The following LEKR1 variants were observed in gnomAD, a reference collection of about 807,000 sequenced individuals.
LEKR1 encodes the protein protein LEKR1.
Under a neutral mutation model 72.4 loss-of-function variants are expected in LEKR1, and 59 were observed. The ratio of observed to expected loss-of-function variants is 0.82; its 90% CI spans 0.66 to 1.01. LEKR1 has a LOEUF of 1.01. Among genes scored for constraint, LEKR1 ranks in the 50% least tolerant of loss-of-function variants. LEKR1 has a pLI of 0.00. For missense variants in LEKR1, 728 were observed against 759.2 expected (o/e 0.96, Z 0.48); for synonymous variants, 257 against 263.2 (o/e 0.98, Z 0.23).
intron 5 of LEKR1, among the ~76,000 whole-genome samples, chr3:156,942,224 A>G (rs1726272933): frequency 6.6e-6 from 1 of 152,050 alleles, no homozygotes; most frequent in Non-Finnish European, 1.5e-5. Context: ...CTATAACATT[A>G]CACAGATATT....
chr3:157,028,138 A>G lies in LEKR1; in HGVS notation c.1404A>G (p.Leu468=). Residue 468 remains leucine, a synonymous_variant, in exon 12 of 13, where the codon CTA becomes CTG. Coordinates refer to ENST00000356539, the MANE Select transcript of LEKR1 (RefSeq NM_001004316.3). The part of the protein sequence containing the change: ...SDLITGATRD[L]RQEVTTLKEK... The stretch of plus-strand genomic sequence containing the variant: ...TAATCACAGGCGCTACAAGAGATCT[A>G]AGGCAGGAAGTGACCACTCTTAAAG... 6.2e-7 allele frequency: 1 copy of G among 1,603,048 alleles called. No homozygotes were observed. Among genetic ancestry groups the G allele is most frequent in the Non-Finnish European group, 8.5e-7 (1 of 1,174,436 alleles).
intron 3 of LEKR1, among the ~76,000 whole-genome samples, chr3:156,914,893 C>T (rs1284006382): frequency 6.6e-6 from 1 of 152,092 alleles, no homozygotes; most frequent in Non-Finnish European, 1.5e-5. Flanking sequence ...CACCCAAGTA[C>T]TAGGCCTAGT....
At chr3:156,853,258 C>A (rs1049191146) in intron 3 of LEKR1, 3 of 213,434 alleles carry the variant, frequency 1.4e-5, no homozygotes, top group East Asian at 1.8e-4. Context: ...ATATATCTTA[C>A]GTTTTATTAT....
intron 12 of LEKR1, among the ~76,000 whole-genome samples, chr3:157,030,100 A>C (rs929995058): frequency 6.6e-6 from 1 of 152,222 alleles, no homozygotes; most frequent in Non-Finnish European, 1.5e-5. Flanking sequence ...GCTTACAATC[A>C]TGGCGGAAGG....
intron 7 of LEKR1, among the ~76,000 whole-genome samples, chr3:156,992,063 G>A (rs1731179634): frequency 6.6e-6 from 1 of 152,216 alleles, no homozygotes; most frequent in Non-Finnish European, 1.5e-5. Flanking sequence ...TAACTAGGCT[G>A]CTTGGAATAT....
intron 3 of LEKR1, among the ~76,000 whole-genome samples, chr3:156,862,075 C>T (rs1716823151): frequency 6.6e-6 from 1 of 152,008 alleles, no homozygotes; most frequent in African/African-American, 2.4e-5. Flanking sequence ...ACTTATTTAA[C>T]AATATTGATA....
intron 12 of LEKR1, among the ~76,000 whole-genome samples, chr3:157,031,612 A>G (rs749914821): frequency 3.3e-5 from 5 of 152,208 alleles, no homozygotes; most frequent in Non-Finnish European, 5.9e-5. Context: ...TAGAGGCCAT[A>G]GCATGTAAAG....
At chr3:156,908,015 T>G (rs1722700541) in intron 3 of LEKR1, among the ~76,000 whole-genome samples, 1 of 152,096 alleles carries the variant, frequency 6.6e-6, no homozygotes, top group African/African-American at 2.4e-5. Context: ...AATTTGGGTT[T>G]GTCTGATGTT....
At chr3:156,923,104 C>G (rs1724364643) in intron 4 of LEKR1, among the ~76,000 whole-genome samples, 1 of 152,094 alleles carries the variant, frequency 6.6e-6, no homozygotes, top group Admixed American at 6.6e-5. Flanking sequence ...TGTTTTCTAT[C>G]CTTGATCCCA....
At chr3:157,005,283 T>C (rs1409987542) in intron 9 of LEKR1, among the ~76,000 whole-genome samples, 2 of 152,076 alleles carry the variant, frequency 1.3e-5, no homozygotes, top group Non-Finnish European at 2.9e-5. Flanking sequence ...AATAGTTCTG[T>C]ATCTTTTAAA....
Position 156,852,782 on chromosome 3 carries a change from A to G in LEKR1, c.63A>G (p.Glu21=). ...CTGTTTCCTAGATGTTGCCTGAAGA[A>G]AAAGTTTGTAAGTACTGTGGAGTCA... ...PEEIQKMLPE[E]KVCKYCGVSY... The change falls in exon 3 of 13, where the codon GAA becomes GAG. Residue 21 remains glutamate (E), a synonymous_variant. Transcript: ENST00000356539. The G allele has an allele frequency of 2.0e-6, 3 of 1,519,014 alleles. No individual in the cohort carries two copies. The highest frequency in any genetic ancestry group is 2.6e-6 in the Non-Finnish European group (3 of 1,139,318). The allele number at this position is 1,519,014 out of a possible 1,614,324, so 94.1% of individuals were successfully genotyped here.
chr3:157,036,036 G>A (rs1293121574), intron 12 of LEKR1, among the ~76,000 whole-genome samples: 1 of 152,158 alleles, frequency 6.6e-6, no homozygotes, highest in Non-Finnish European at 1.5e-5. Context: ...TGAGCTTAAG[G>A]TAACATTTTG....
At chr3:156,940,480 T>C (rs1312743459) in intron 5 of LEKR1, among the ~76,000 whole-genome samples, 1 of 152,150 alleles carries the variant, frequency 6.6e-6, no homozygotes, top group Admixed American at 6.6e-5. Flanking sequence ...AGGTTGACCT[T>C]GTGGGGATCT....
chr3:156,850,685 A>G (rs909062973), intron 2 of LEKR1, among the ~76,000 whole-genome samples: 11 of 152,214 alleles, frequency 7.2e-5, no homozygotes, highest in Non-Finnish European at 1.2e-4. Context: ...TTACAGGCCC[A>G]GTTGGCTCAT....
intron 3 of LEKR1, among the ~76,000 whole-genome samples, chr3:156,903,562 G>A (rs1235872318): frequency 6.6e-6 from 1 of 152,116 alleles, no homozygotes; most frequent in Non-Finnish European, 1.5e-5. Flanking sequence ...GTGTTTAATG[G>A]ATGATAGGTT....
At chr3:156,855,357 C>T (rs1188878253) in intron 3 of LEKR1, among the ~76,000 whole-genome samples, 7 of 151,980 alleles carry the variant, frequency 4.6e-5, no homozygotes, top group African/African-American at 9.7e-5. Context: ...AATGTTACCT[C>T]GTGGTTATTT....
At chr3:156,908,625 AATGTTCTAGGCTT>A (rs1722774474) in intron 3 of LEKR1, among the ~76,000 whole-genome samples, 1 of 152,250 alleles carries the variant, frequency 6.6e-6, no homozygotes, top group Non-Finnish European at 1.5e-5. Context: ...GGCATCACAA[AATGTTCTAGGCTT>A]ATCTTGAAGT....
At chr3:156,912,947 C>G (rs1723261243) in intron 3 of LEKR1, among the ~76,000 whole-genome samples, 1 of 152,166 alleles carries the variant, frequency 6.6e-6, no homozygotes, top group Admixed American at 6.5e-5. Flanking sequence ...TAGTTTTTTA[C>G]CTGGCTCATA....
At chr3:156,996,076 G>C (rs1236250037) in intron 9 of LEKR1, among the ~76,000 whole-genome samples, 1 of 152,010 alleles carries the variant, frequency 6.6e-6, no homozygotes, top group Non-Finnish European at 1.5e-5. Context: ...TCAATTATTT[G>C]TTGGGCATTT....
Sources: gnomAD v4.1 joint callset for allele counts (sites outside exome capture counted in the v4.1 genomes callset) on GRCh38, gnomAD v4.1.1 for gene constraint, MANE v1.5 for transcripts, NCBI Gene and HGNC (gene_info 2026-07-23, HGNC 2026-07-21) for gene names.